Variants in ANKRD13A observed in about 807,000 individuals in gnomAD.
ANKRD13A encodes the protein ankyrin repeat domain-containing protein 13A.
In ANKRD13A, 48 loss-of-function variants were observed where a neutral mutation model predicts 81.3. The ratio of observed to expected loss-of-function variants is 0.59; its 90% CI spans 0.47 to 0.75. The LOEUF (loss-of-function observed/expected upper bound fraction) is 0.75, where lower values mean the gene tolerates loss of function less well. Among genes scored for constraint, ANKRD13A ranks in the 30% least tolerant of loss-of-function variants. The pLI is 0.00. For missense variants in ANKRD13A, 612 were observed against 734.0 expected, an observed-to-expected ratio of 0.83 and a Z score of 1.92; for synonymous variants, 230 against 270.1, an observed-to-expected ratio of 0.85 and a Z score of 1.45.
chr12:110,034,455 G>A (rs1423260552), intron 13 of ANKRD13A, among the ~76,000 whole-genome samples: 1 of 152,104 alleles, frequency 6.6e-6, no homozygotes, highest in Non-Finnish European at 1.5e-5. Context: ...GTGTGTGTGT[G>A]TGTGACTCTA....
At chr12:110,024,804 G>T (rs184983464) in intron 7 of ANKRD13A, among the ~76,000 whole-genome samples, 1 of 152,260 alleles carries the variant, frequency 6.6e-6, no homozygotes, top group Non-Finnish European at 1.5e-5. Context: ...TGAATGTTGG[G>T]GCTCCTCACG....
chr12:110,028,627 C>T lies in ANKRD13A; in HGVS notation c.1061C>T (p.Thr354Met), dbSNP rs1263330241. ...GACATTGGAAGGCCGAAAGAGCTGA[C>T]GATTAGAACACAGAAGTAAGAGAGG... Reference protein sequence around the residue: ...DRDIGRPKELTIRTQKFKAML... With the variant: ...DRDIGRPKELMIRTQKFKAML... The change falls in exon 10 of 15, where the codon ACG (threonine) becomes ATG (methionine). Residue 354 changes from threonine to methionine, a missense_variant. Physicochemically the swap from Thr to Met is moderately conservative, Grantham distance 81. Coordinates refer to ENST00000261739, the MANE Select transcript of ANKRD13A (RefSeq NM_033121.2). 6.8e-6 allele frequency: 11 copies of T among 1,614,028 alleles called. No homozygotes were observed. Among genetic ancestry groups the T allele is most frequent in the Admixed American group, 5.0e-5 (3 of 59,998 alleles).
chr12:110,019,820 A>G (rs1226007587), intron 6 of ANKRD13A, among the ~76,000 whole-genome samples: 1 of 152,194 alleles, frequency 6.6e-6, no homozygotes, highest in East Asian at 1.9e-4. Flanking sequence ...GAGGTTTAAT[A>G]GTTTAGAGCA....
Position 110,030,641 on chromosome 12 carries a change from T to C in ANKRD13A, c.1235-4T>C. ...CTTATAAAAGTTTTTATTTTGTTTG[T>C]TAGAAATTCCCTTGTTTCATGTCTT... On this transcript the variant is annotated splice_region_variant and splice_polypyrimidine_tract_variant and intron_variant, in intron 11 of 14. Transcript: ENST00000261739. The C allele has an allele frequency of 6.4e-7, 1 of 1,569,166 alleles. No individual in the cohort carries two copies. The highest frequency in any genetic ancestry group is 8.7e-7 in the Non-Finnish European group (1 of 1,153,930).
chr12:110,024,150 A>C, intron 7 of ANKRD13A, 38 bp downstream of exon 7: 1 of 1,546,758 alleles, frequency 6.5e-7, no homozygotes, highest in African/African-American at 1.4e-5. Context: ...TAATATAGCT[A>C]TTTAGCTTCT....
intron 3 of ANKRD13A, among the ~76,000 whole-genome samples, chr12:110,014,118 A>G (rs1890665445): frequency 6.6e-6 from 1 of 152,180 alleles, no homozygotes; most frequent in Admixed American, 6.5e-5. Context: ...ACTTTATTAT[A>G]AATAAGACAG....
At chr12:110,002,361 A>T (rs1890024772) in intron 1 of ANKRD13A, among the ~76,000 whole-genome samples, 1 of 152,180 alleles carries the variant, frequency 6.6e-6, no homozygotes, top group South Asian at 2.1e-4. Context: ...TCATGCCTGG[A>T]ATCTCAGCAC....
Position 110,036,404 on chromosome 12 carries a change from T to C in ANKRD13A, c.1577+76T>C. The C allele has an allele frequency of 4.1e-6, 6 of 1,457,014 alleles. No individual in the cohort carries two copies. The highest frequency in any genetic ancestry group is 5.8e-6 in the Non-Finnish European group (6 of 1,038,186). 90.3% of individuals were successfully genotyped at this position (1,457,014 alleles called of 1,614,324 possible). A position where few individuals can be genotyped will look rare whatever the true frequency, so the allele number is the denominator to read the frequency against. On this transcript the variant is annotated intron_variant, in intron 14 of 14. Coordinates refer to ENST00000261739, the MANE Select transcript of ANKRD13A (RefSeq NM_033121.2). The surrounding 1 kb of genome is among the most constrained non-coding windows in gnomAD (Gnocchi z 4.6). ...ACACAGGCGAGCAGACGCGTGGCAC[T>C]GTGCATTTGGTCCTCAGGCAGATGT...
Position 110,039,074 on chromosome 12 carries a change from T to G in ANKRD13A, c.*1520T>G, listed in dbSNP as rs1269023887. 6.6e-6 allele frequency: 1 copy of G among 152,136 alleles called. No individual in the cohort carries two copies. Among genetic ancestry groups the G allele is most frequent in the Non-Finnish European group, 1.5e-5 (1 of 68,010 alleles). The allele number at this position is 152,136 out of a possible 1,614,324, so 9.4% of individuals were successfully genotyped here. On this transcript the variant is annotated 3_prime_UTR_variant, in exon 15 of 15. Transcript: ENST00000261739. Reference sequence around the variant, plus strand: ...CCATTTCACAATCTGTTTTGTTTTTTTTTTTTGTCATTGTCTGACCAAAAT... The same window carrying G: ...CCATTTCACAATCTGTTTTGTTTTTGTTTTTTGTCATTGTCTGACCAAAAT...
chr12:110,038,723 C>A lies in ANKRD13A; in HGVS notation c.*1169C>A, dbSNP rs767027625. On this transcript the variant is annotated 3_prime_UTR_variant, in exon 15 of 15. Coordinates refer to ENST00000261739, the MANE Select transcript of ANKRD13A (RefSeq NM_033121.2). ...AGCAATACAAGGTTATACATTTTAACCAGATTTTCTCAGGCCTTTTTTGGA... is the reference window on the plus strand; with the variant it reads ...AGCAATACAAGGTTATACATTTTAAACAGATTTTCTCAGGCCTTTTTTGGA... 6.6e-6 allele frequency: 1 copy of A among 152,518 alleles called. No homozygotes were observed. Among genetic ancestry groups the A allele is most frequent in the African/African-American group, 2.4e-5 (1 of 41,416 alleles). The allele number at this position is 152,518 out of a possible 1,614,324, so 9.4% of individuals were successfully genotyped here.
intron 1 of ANKRD13A, among the ~76,000 whole-genome samples, chr12:110,000,850 T>G (rs1889926006): frequency 6.7e-6 from 1 of 148,722 alleles, no homozygotes; most frequent in African/African-American, 2.5e-5. Context: ...CTCCGCCTCC[T>G]GGGTTCAAGC....
At chr12:110,009,025 T>C (rs917352969) in intron 1 of ANKRD13A, among the ~76,000 whole-genome samples, 2 of 152,224 alleles carry the variant, frequency 1.3e-5, no homozygotes, top group Non-Finnish European at 2.9e-5. Flanking sequence ...TAGGGATTTA[T>C]CTTGTTCATC....
intron 8 of ANKRD13A, 141 bp from the exon 9 acceptor site, chr12:110,027,562 GTT>G (rs1408081619): frequency 2.6e-6 from 2 of 754,900 alleles, no homozygotes; most frequent in Admixed American, 4.3e-5. Context: ...TTAGTTTATG[GTT>G]ATTGTGAATG....
At chr12:110,023,950 C>G in intron 6 of ANKRD13A, 96 bp from the exon 7 acceptor site, 4 of 1,283,598 alleles carry the variant, frequency 3.1e-6, no homozygotes, top group Non-Finnish European at 4.4e-6. Context: ...CCTTCACTAA[C>G]TTAAGCTGGG....
chr12:110,025,628 T>G, intron 7 of ANKRD13A, 114 bp from the exon 8 acceptor site: 1 of 751,004 alleles, frequency 1.3e-6, no homozygotes, highest in South Asian at 1.8e-5. Context: ...ATTTCTCATT[T>G]TTATTTTGCT....
chr12:110,037,421 C>T lies in ANKRD13A; in HGVS notation c.1640C>T (p.Thr547Ile). 6.2e-7 allele frequency: 1 copy of T among 1,612,588 alleles called. No individual in the cohort carries two copies. Among genetic ancestry groups the T allele is most frequent in the Non-Finnish European group, 8.5e-7 (1 of 1,179,724 alleles). Residue 547 changes from threonine (T) to isoleucine (I), a missense_variant, in exon 15 of 15, where the codon ACA becomes ATA. Coordinates refer to ENST00000261739, the MANE Select transcript of ANKRD13A (RefSeq NM_033121.2). ...CTGTGCCCCAGCGCCCTGAGCGAGA[C>T]AAGCCGTTTTGATAATGACTTGCAG... The part of the protein sequence containing the change: ...EGLCPSALSE[T>I]SRFDNDLQLA...
chr12:110,030,952 G>A (rs958418075), intron 12 of ANKRD13A, among the ~76,000 whole-genome samples, 194 bp downstream of exon 12: 5 of 151,954 alleles, frequency 3.3e-5, no homozygotes, highest in Admixed American at 1.3e-4. Flanking sequence ...AAAATTAGCC[G>A]GGTGTGGTGG....
rs1378913517 is a variant in ANKRD13A, at chr12:110,039,091, G to A, written c.*1537G>A. The A allele has an allele frequency of 6.7e-6, 1 of 148,178 alleles. No homozygotes were observed. The highest frequency in any genetic ancestry group is 1.5e-5 in the Non-Finnish European group (1 of 67,448). 9.2% of individuals were successfully genotyped at this position (148,178 alleles called of 1,614,324 possible). A position where few individuals can be genotyped will look rare whatever the true frequency, so the allele number is the denominator to read the frequency against. On this transcript the variant is annotated 3_prime_UTR_variant, in exon 15 of 15. Transcript: ENST00000261739. ...TTGTTTTTTTTTTTTGTCATTGTCT[G>A]ACCAAAATTCCTTCTGCACATGAGG...
chr12:110,011,545 G>A (rs1203145316), intron 1 of ANKRD13A, among the ~76,000 whole-genome samples: 1 of 152,216 alleles, frequency 6.6e-6, no homozygotes, highest in Non-Finnish European at 1.5e-5. Context: ...GCTAGAGAAT[G>A]TAATTTTATT....
Sources: gnomAD v4.1 joint callset for allele counts (sites outside exome capture counted in the v4.1 genomes callset) on GRCh38, gnomAD v4.1.1 for gene constraint, Gnocchi (gnomAD v3.1) non-coding constraint, MANE v1.5 for transcripts, NCBI Gene and HGNC (gene_info 2026-07-23, HGNC 2026-07-21) for gene names.